The following WDR90 variants were observed in gnomAD, a reference collection of about 807,000 sequenced individuals.
WDR90 encodes the protein WD repeat domain 90.
WDR90 carries 238 observed loss-of-function variants against 195.2 expected under a neutral mutation model. The observed-to-expected ratio is 1.22, with a 90% CI of 1.10 to 1.36. The LOEUF (loss-of-function observed/expected upper bound fraction) is 1.36. Among genes scored for constraint, WDR90 ranks in the 40% most tolerant of loss-of-function variants. WDR90 has a pLI of 0.00. For synonymous variants in WDR90, 1,265 were observed against 1,052.4 expected (o/e 1.20, Z -3.91); for missense variants, 2,734 against 2,439.5 (o/e 1.12, Z -2.54).
At chr16:651,350 G>T in intron 7 of WDR90, 84 bp downstream of exon 7, 2 of 1,486,942 alleles carry the variant, frequency 1.3e-6, no homozygotes. Flanking sequence ...GCTGGGAAAG[G>T]ACCCAGTGGT....
At chr16:660,471 C>G in intron 27 of WDR90, 141 bp from the exon 28 acceptor site, 1 of 854,180 alleles carries the variant, frequency 1.2e-6, no homozygotes, top group Non-Finnish European at 1.8e-6. Flanking sequence ...TCCCACACCT[C>G]CTACCCCAGC....
intron 9 of WDR90, 49 bp from the exon 10 acceptor site, chr16:652,418 G>A: frequency 6.4e-7 from 1 of 1,554,060 alleles, no homozygotes; most frequent in Non-Finnish European, 8.7e-7. Context: ...CGGGCATTCT[G>A]GGGACCTGGC....
rs1279147464 is a variant in WDR90, at chr16:661,951, G to C, written c.3925G>C (p.Gly1309Arg). ...GAGELTSLCY[G>R]APPLLYCGTS... is the part of the protein sequence containing the mutation. ...TGGAGAGCTGACCTCGCTCTGCTAC[G>C]GGGCACCTCCCCTGCTCTATTGTGG... The change falls in exon 32 of 41, where the codon GGG becomes CGG. Residue 1309 changes from glycine (G) to arginine (R), a missense_variant. Gly to Arg is a moderately radical substitution (Grantham distance 125, BLOSUM62 -2). Transcript: ENST00000293879. 4.4e-6 allele frequency: 7 copies of C among 1,607,856 alleles called. No individual in the cohort carries two copies. Among genetic ancestry groups the C allele is most frequent in the African/African-American group, 1.3e-5 (1 of 74,908 alleles).
intron 40 of WDR90, 21 bp from the exon 41 acceptor site, chr16:667,411 A>C (rs2038124242): frequency 6.3e-7 from 1 of 1,580,960 alleles, no homozygotes; most frequent in South Asian, 1.1e-5. Context: ...GCCCTGGCCC[A>C]CCTGCACCGT....
rs770026886 is a variant in WDR90 at position 661,679 on chromosome 16, G to A, written c.3756G>A (p.Val1252=). Residue 1252 remains valine, a synonymous_variant, in exon 31 of 41, where the codon GTG becomes GTA. Coordinates refer to ENST00000293879, the MANE Select transcript of WDR90 (RefSeq NM_145294.5). ...LVSSTRLPEP[V]HGVAFNPWDA... ...CCTCCACCCGCCTCCCGGAGCCGGT[G>A]CATGGTGTGGCCTTCAACCCCTGGG... The A allele has an allele frequency of 6.2e-6, 10 of 1,612,274 alleles. 1 individual carries two copies. The Middle Eastern group carries it at 5.0e-4, about 80-fold the overall frequency.
intron 25 of WDR90, 40 bp downstream of exon 25, chr16:659,166 G>A: frequency 6.2e-7 from 1 of 1,610,014 alleles, no homozygotes; most frequent in African/African-American, 1.3e-5. Context: ...GTGCTGCGCT[G>A]ACTCTGGGGC....
At chr16:654,727 G>A (rs2037711270) in intron 13 of WDR90, 3 of 421,344 alleles carry the variant, frequency 7.1e-6, no homozygotes, top group South Asian at 5.6e-5. Flanking sequence ...TGGGATCACA[G>A]GCATGAGCCA....
chr16:650,257 A>G lies in WDR90; in HGVS notation c.283A>G (p.Asn95Asp). The change falls in exon 4 of 41, where the codon AAC (asparagine) becomes GAC (aspartate). Residue 95 changes from asparagine to aspartate, a missense_variant. Transcript: ENST00000293879. ...VIHLDVSSKD[N>D]QVIRVSFSNL... ...CGGCCCTGCTCCGTCCCCACAGGACAACCAAGTCATCCGTGTGTCTTTCTC... is the reference window on the plus strand; with the variant it reads ...CGGCCCTGCTCCGTCCCCACAGGACGACCAAGTCATCCGTGTGTCTTTCTC... 1.2e-6 allele frequency: 2 copies of G among 1,612,818 alleles called. No homozygotes were observed. Among genetic ancestry groups the G allele is most frequent in the Non-Finnish European group, 8.5e-7 (1 of 1,179,850 alleles).
intron 38 of WDR90, 22 bp downstream of exon 38, chr16:666,620 G>T: frequency 6.2e-7 from 1 of 1,611,768 alleles, no homozygotes; most frequent in Middle Eastern, 1.7e-4. Flanking sequence ...TCCTGGCACT[G>T]TGGGTGGGGC....
At chr16:660,505 C>A (rs1418135132) in intron 27 of WDR90, 107 bp from the exon 28 acceptor site, 6 of 1,178,640 alleles carry the variant, frequency 5.1e-6, no homozygotes, top group Non-Finnish European at 7.3e-6. Flanking sequence ...CCTGGGTGTC[C>A]TCTGCAGCTG....
At chr16:662,462 C>T in intron 33 of WDR90, 131 bp downstream of exon 33, 2 of 1,293,008 alleles carry the variant, frequency 1.5e-6, no homozygotes, top group East Asian at 2.5e-5. Flanking sequence ...CTCCAAGGGA[C>T]AGGCTTGGGT....
chr16:663,925 G>A (rs563442903), intron 34 of WDR90, among the ~76,000 whole-genome samples: 15 of 152,332 alleles, frequency 9.8e-5, no homozygotes, highest in African/African-American at 3.4e-4. Flanking sequence ...AGAGCTCTGC[G>A]TGTGGTCAGC....
intron 14 of WDR90, 64 bp from the exon 15 acceptor site, chr16:655,243 C>T (rs2037725797): frequency 1.2e-6 from 2 of 1,611,742 alleles, no homozygotes; most frequent in African/African-American, 1.3e-5. Context: ...CTGTGCGTCT[C>T]TGCGTCTCCC....
intron 31 of WDR90, 46 bp downstream of exon 31, chr16:661,833 G>A (rs769458127): frequency 6.3e-7 from 1 of 1,587,952 alleles, no homozygotes; most frequent in East Asian, 2.3e-5. Context: ...TTTGTGGGGT[G>A]GAATCTGCCT....
chr16:659,800 G>T (rs1035936257), intron 26 of WDR90, among the ~76,000 whole-genome samples: 1 of 152,194 alleles, frequency 6.6e-6, no homozygotes, highest in Admixed American at 6.5e-5. Flanking sequence ...GGCCAACCCC[G>T]TGAGCAGTGG....
In WDR90 at chr16:667,290, T is replaced by G. The variant is rs914232101; in HGVS notation, c.5090-142T>G. On this transcript the variant is annotated intron_variant, in intron 40 of 40. Coordinates refer to ENST00000293879, the MANE Select transcript of WDR90 (RefSeq NM_145294.5). ...TGGACCCCCTAGTCCCAGTGGCACG[T>G]GGAGGGCACAGCCAGGAGCCCTTTT... 54 of 1,158,050 alleles carry G rather than the reference T, an allele frequency of 4.7e-5. No homozygotes were observed. In the South Asian group the frequency reaches 7.7e-4, roughly 17 times the overall value. 71.7% of individuals were successfully genotyped at this position (1,158,050 alleles called of 1,614,324 possible). A position where few individuals can be genotyped will look rare whatever the true frequency, so the allele number is the denominator to read the frequency against.
intron 9 of WDR90, 26 bp from the exon 10 acceptor site, chr16:652,441 G>A (rs2037665470): frequency 2.5e-6 from 4 of 1,589,144 alleles, no homozygotes; most frequent in South Asian, 1.1e-5. Context: ...AGCCTCCCAG[G>A]ACTTTGATGC....
chr16:657,984 G>C (rs1237749043), intron 21 of WDR90, 92 bp downstream of exon 21: 2 of 1,465,798 alleles, frequency 1.4e-6, no homozygotes, highest in African/African-American at 2.8e-5. Flanking sequence ...TCGGGAGCAG[G>C]ACCCAGGCCC....
At chr16:649,048 A>C, upstream of WDR90, 1 of 236,296 alleles carries the variant, frequency 4.2e-6, no homozygotes. Context: ...TGGCATGGCC[A>C]GGCCTCAGCG....
Sources: gnomAD v4.1 joint callset for allele counts (sites outside exome capture counted in the v4.1 genomes callset) on GRCh38, gnomAD v4.1.1 for gene constraint, MANE v1.5 for transcripts, NCBI Gene and HGNC (gene_info 2026-07-23, HGNC 2026-07-21) for gene names.